The following SLC25A28 variants were observed in gnomAD, a reference collection of about 807,000 sequenced individuals.
SLC25A28 encodes the protein mitoferrin-2.
SLC25A28 carries 10 observed loss-of-function variants against 31.9 expected under a neutral mutation model. The observed-to-expected ratio is 0.31, with a 90% CI of 0.19 to 0.53. The LOEUF is 0.53. Among genes scored for constraint, SLC25A28 ranks in the 20% least tolerant of loss-of-function variants. The pLI, the probability that SLC25A28 is intolerant of heterozygous loss-of-function variation, is 0.95. For synonymous variants in SLC25A28, 208 were observed against 203.6 expected (o/e 1.02, Z -0.19); for missense variants, 256 against 490.3 (o/e 0.52, Z 4.51).
Position 99,610,746 on chromosome 10 carries a change from C to T in SLC25A28, c.*103G>A. 3 of 1,437,680 alleles carry T rather than the reference C, an allele frequency of 2.1e-6. No individual in the cohort carries two copies. Among genetic ancestry groups the T allele is most frequent in the African/African-American group, 1.4e-5 (1 of 70,614 alleles). 89.1% of individuals were successfully genotyped at this position (1,437,680 alleles called of 1,614,324 possible). A position where few individuals can be genotyped will look rare whatever the true frequency, so the allele number is the denominator to read the frequency against. On this transcript the variant is annotated 3_prime_UTR_variant, in exon 4 of 4. Transcript: ENST00000370495. ...AAAATCCTGGGGGAGAGCCCCTCTA[C>T]CTTCCTTCTAACTCCACTTGAGGTG...
At chr10:99,633,867 C>T in the SLC25A28 span, among the ~76,000 whole-genome samples, 3 of 152,112 alleles carry the variant, frequency 2.0e-5, no homozygotes, top group Non-Finnish European at 2.9e-5. Context: ...AGCACTAAAC[C>T]ACCAAAGCTA....
At chr10:99,618,684 T>G in intron 1 of SLC25A28, 1 of 985,440 alleles carries the variant, frequency 1.0e-6, no homozygotes, top group East Asian at 1.1e-4. Flanking sequence ...ATTTACCCCG[T>G]TTTCAATGGA....
In SLC25A28 at chr10:99,611,375, G is replaced by C. The variant is rs1239080054; in HGVS notation, c.578-9C>G. 6.2e-7 allele frequency: 1 copy of C among 1,612,176 alleles called. No homozygotes were observed. Among genetic ancestry groups the C allele is most frequent in the Non-Finnish European group, 8.5e-7 (1 of 1,178,624 alleles). On this transcript the variant is annotated splice_polypyrimidine_tract_variant and intron_variant, in intron 3 of 3. Transcript: ENST00000370495. The surrounding 1 kb of genome is among the most constrained non-coding windows in gnomAD (Gnocchi z 5.5). ...CATCCTCTGCTTGACCACTAGTAGT[G>C]CCATCAACGAGGAAGGAAATGGTGA... is the stretch of plus-strand genomic sequence containing the variant.
the SLC25A28 span, among the ~76,000 whole-genome samples, chr10:99,634,416 G>A: frequency 1.8e-5 from 2 of 111,006 alleles, no homozygotes; most frequent in Non-Finnish European, 3.8e-5. Flanking sequence ...GAAGTAAAGG[G>A]AGAAATATTC....
chr10:99,618,136 G>T, intron 1 of SLC25A28: 1 of 385,020 alleles, frequency 2.6e-6, no homozygotes, highest in South Asian at 1.1e-4. Flanking sequence ...TTGTCACAGG[G>T]CAAAGATTTG....
At chr10:99,633,479 T>A in the SLC25A28 span, among the ~76,000 whole-genome samples, 1 of 152,078 alleles carries the variant, frequency 6.6e-6, no homozygotes, top group African/African-American at 2.4e-5. Flanking sequence ...GTGGATCACC[T>A]GAGGTCAGGA....
chr10:99,658,030 T>TA, the SLC25A28 span, among the ~76,000 whole-genome samples: 9 of 150,394 alleles, frequency 6.0e-5, no homozygotes, highest in South Asian at 2.1e-4. Context: ...TACAAAGAAT[T>TA]AAAAAAAAAT....
chr10:99,645,508 T>C, the SLC25A28 span, among the ~76,000 whole-genome samples: 1 of 152,206 alleles, frequency 6.6e-6, no homozygotes, highest in Non-Finnish European at 1.5e-5. Flanking sequence ...CATTCTCCTT[T>C]AGCTTAGAGA....
rs2034636075 is a variant in SLC25A28 at position 99,615,739 on chromosome 10, G to A, written c.292-1815C>T. The A allele has an allele frequency of 3.0e-6, 3 of 985,082 alleles. No individual in the cohort carries two copies. The African/African-American group carries it at 5.3e-5, about 17-fold the overall frequency. The allele number at this position is 985,082 out of a possible 1,614,324, so 61.0% of individuals were successfully genotyped here. A position where few individuals can be genotyped will look rare whatever the true frequency, so the allele number is the denominator to read the frequency against. ...TCATAGAGACTACGGGTCATATGCTGGCTAGAGCTACTAATAAGCAAAGAT... is the reference window on the plus strand; with the variant it reads ...TCATAGAGACTACGGGTCATATGCTAGCTAGAGCTACTAATAAGCAAAGAT... On this transcript the variant is annotated intron_variant, in intron 1 of 3. Coordinates refer to ENST00000370495, the MANE Select transcript of SLC25A28 (RefSeq NM_031212.4).
the SLC25A28 span, among the ~76,000 whole-genome samples, chr10:99,642,194 C>A: frequency 2.0e-5 from 3 of 152,264 alleles, no homozygotes; most frequent in South Asian, 6.2e-4. Flanking sequence ...TCTTCCTATC[C>A]ATGAGCATGG....
At chr10:99,615,683 C>G (rs905669062) in intron 1 of SLC25A28, 1 of 985,444 alleles carries the variant, frequency 1.0e-6, no homozygotes, top group Non-Finnish European at 1.2e-6. Context: ...TCACATCACA[C>G]AAGGCATATA....
chr10:99,651,886 T>A, the SLC25A28 span: 135,729 of 152,158 alleles, frequency 0.89, 60,655 homozygotes, highest in African/African-American at 0.94. Context: ...CCTGGCCTAG[T>A]TCTTAGTTTC....
At chr10:99,652,798 GT>G in the SLC25A28 span, among the ~76,000 whole-genome samples, 2 of 152,040 alleles carry the variant, frequency 1.3e-5, no homozygotes, top group Non-Finnish European at 2.9e-5. Flanking sequence ...ATGACCTGTG[GT>G]ACTGATTTTC....
chr10:99,631,878 A>ATTTTTT, the SLC25A28 span, among the ~76,000 whole-genome samples: 1,224 of 92,802 alleles, frequency 0.013, 259 homozygotes, highest in Non-Finnish European at 0.015. Flanking sequence ...TCAGTATGTT[A>ATTTTTT]TTTTTTTTTT....
the SLC25A28 span, among the ~76,000 whole-genome samples, chr10:99,639,381 C>A: frequency 1.3e-5 from 2 of 151,992 alleles, no homozygotes; most frequent in South Asian, 4.2e-4. Context: ...AAATAGGGTG[C>A]AGTGTATATT....
In SLC25A28 at chr10:99,620,372, G is replaced by A. The variant is rs1196570472; in HGVS notation, c.-37C>T. 55 of 960,602 alleles carry A rather than the reference G, an allele frequency of 5.7e-5. 1 individual carries two copies. In the African/African-American group the frequency reaches 1.1e-3, roughly 19 times the overall value. The allele number at this position is 960,602 out of a possible 1,614,324, so 59.5% of individuals were successfully genotyped here. ...AGCTGCGGCGCCCACCCCCGCCGCC[G>A]CTGCCACCACTGCCGCCGCCGCCCC... is the stretch of plus-strand genomic sequence containing the variant. On this transcript the variant is annotated 5_prime_UTR_variant, in exon 1 of 4. Coordinates refer to ENST00000370495, the MANE Select transcript of SLC25A28 (RefSeq NM_031212.4).
chr10:99,631,933 A>G, the SLC25A28 span, among the ~76,000 whole-genome samples: 1 of 108,484 alleles, frequency 9.2e-6, no homozygotes, highest in Non-Finnish European at 1.7e-5. Context: ...TCTGTCGCCC[A>G]GGCCGGACTG....
chr10:99,632,193 G>GC, the SLC25A28 span, among the ~76,000 whole-genome samples: 6 of 152,118 alleles, frequency 3.9e-5, no homozygotes, highest in African/African-American at 1.4e-4. Context: ...ACCGCGCCTG[G>GC]CCCAGTATGT....
chr10:99,654,657 T>TAACAAA, the SLC25A28 span, among the ~76,000 whole-genome samples: 15 of 150,660 alleles, frequency 1.0e-4, no homozygotes, highest in African/African-American at 3.7e-4. Flanking sequence ...CCCATCTCAA[T>TAACAAA]AACAACAACA....
Sources: gnomAD v4.1 joint callset for allele counts (sites outside exome capture counted in the v4.1 genomes callset) on GRCh38, gnomAD v4.1.1 for gene constraint, Gnocchi (gnomAD v3.1) non-coding constraint, MANE v1.5 for transcripts, NCBI Gene and HGNC (gene_info 2026-07-23, HGNC 2026-07-21) for gene names.